The following PPP3CA variants were observed in gnomAD, a reference collection of about 807,000 sequenced individuals.
PPP3CA encodes CAM-PRP catalytic subunit.
A neutral mutation model predicts 66.5 loss-of-function variants in PPP3CA; 14 were observed. The ratio of observed to expected loss-of-function variants is 0.21; its 90% CI spans 0.14 to 0.33. The LOEUF is 0.33. Ranked by LOEUF, PPP3CA falls within the 10% of genes least tolerant of loss-of-function variation. The pLI, the probability that PPP3CA is intolerant of heterozygous loss-of-function variation, is 1.00. For missense variants in PPP3CA, 317 were observed against 639.5 expected (o/e 0.50, Z 5.44); for synonymous variants, 232 against 226.2 (o/e 1.03, Z -0.23).
chr4:101,343,814 T>A (rs1271141343), intron 1 of PPP3CA, among the ~76,000 whole-genome samples: 2 of 152,194 alleles, frequency 1.3e-5, no homozygotes, highest in African/African-American at 4.8e-5. Context: ...AGACTCAACC[T>A]ACGTCTCTAA....
chr4:101,332,698 T>C (rs543378080), intron 1 of PPP3CA, among the ~76,000 whole-genome samples: 1 of 152,260 alleles, frequency 6.6e-6, no homozygotes, highest in East Asian at 1.9e-4. Flanking sequence ...CTAGACATTT[T>C]ACATAATATT....
chr4:101,119,844 C>T (rs1172154233), intron 2 of PPP3CA, among the ~76,000 whole-genome samples: 2 of 151,990 alleles, frequency 1.3e-5, no homozygotes, highest in African/African-American at 4.8e-5. Flanking sequence ...CTAGTAAGTG[C>T]TATTCTTATA....
intron 1 of PPP3CA, among the ~76,000 whole-genome samples, chr4:101,238,703 G>A (rs1053232617): frequency 2.6e-5 from 4 of 151,822 alleles, no homozygotes; most frequent in African/African-American, 9.7e-5. Context: ...TTTATCTCAG[G>A]CCACAAGCTA....
At chr4:101,030,990 C>T (rs896038308) in intron 12 of PPP3CA, among the ~76,000 whole-genome samples, 2 of 150,966 alleles carry the variant, frequency 1.3e-5, no homozygotes, top group Non-Finnish European at 1.5e-5. Flanking sequence ...TAAAATAATT[C>T]CTAGCTGTAA....
chr4:101,336,811 T>G (rs1729648239), intron 1 of PPP3CA, among the ~76,000 whole-genome samples: 1 of 152,198 alleles, frequency 6.6e-6, no homozygotes, highest in South Asian at 2.1e-4. Context: ...GATGTGTACA[T>G]GCAGGGGCGG....
At chr4:101,063,189 C>A in intron 9 of PPP3CA, 43 bp downstream of exon 9, 1 of 1,592,810 alleles carries the variant, frequency 6.3e-7, no homozygotes, top group South Asian at 1.1e-5. Flanking sequence ...TCCTTCCTTC[C>A]TAAACTATTT....
chr4:101,139,347 C>CAA (rs56658441), intron 2 of PPP3CA, among the ~76,000 whole-genome samples: 10 of 96,714 alleles, frequency 1.0e-4, no homozygotes, highest in Admixed American at 2.1e-4. Context: ...GACTCCGTCT[C>CAA]AAAAAAAAAA....
intron 10 of PPP3CA, among the ~76,000 whole-genome samples, chr4:101,048,499 T>C: frequency 8.0e-6 from 1 of 125,430 alleles, no homozygotes; most frequent in Non-Finnish European, 1.6e-5. Flanking sequence ...GATTGTTTGC[T>C]TTCTCTCACC....
intron 1 of PPP3CA, among the ~76,000 whole-genome samples, chr4:101,226,938 T>G (rs562178323): frequency 6.6e-6 from 1 of 151,602 alleles, no homozygotes; most frequent in Non-Finnish European, 1.5e-5. Flanking sequence ...GGATAATTAT[T>G]TTTTTATATG....
intron 10 of PPP3CA, among the ~76,000 whole-genome samples, chr4:101,056,871 G>A (rs529494535): frequency 5.3e-5 from 8 of 149,656 alleles, no homozygotes; most frequent in African/African-American, 1.7e-4. Context: ...TTCAATATAC[G>A]TTGTCAATAA....
chr4:101,260,575 A>C (rs1297473979), intron 1 of PPP3CA, among the ~76,000 whole-genome samples: 1 of 152,174 alleles, frequency 6.6e-6, no homozygotes, highest in Non-Finnish European at 1.5e-5. Context: ...TCATCAAAAA[A>C]TGCAAACTCT....
intron 1 of PPP3CA, among the ~76,000 whole-genome samples, chr4:101,234,014 A>C (rs1726047020): frequency 6.6e-6 from 1 of 151,592 alleles, no homozygotes; most frequent in Non-Finnish European, 1.5e-5. Context: ...TTCTGTTCCC[A>C]CTTCAGTTTG....
intron 1 of PPP3CA, among the ~76,000 whole-genome samples, chr4:101,260,148 G>A (rs570332678): frequency 2.6e-5 from 4 of 152,130 alleles, no homozygotes; most frequent in African/African-American, 7.2e-5. Flanking sequence ...GGGGCAAATC[G>A]TATCAACGAC....
At chr4:101,256,074 A>AG (rs2110250031) in intron 1 of PPP3CA, among the ~76,000 whole-genome samples, 2 of 152,084 alleles carry the variant, frequency 1.3e-5, no homozygotes, top group East Asian at 3.9e-4. Context: ...GCCCCTGAAC[A>AG]GGGGTGCTGA....
At chr4:101,258,247 A>G (rs1359433888) in intron 1 of PPP3CA, among the ~76,000 whole-genome samples, 2 of 152,166 alleles carry the variant, frequency 1.3e-5, no homozygotes, top group East Asian at 3.9e-4. Flanking sequence ...TGGACATTGT[A>G]GAGGATTCTT....
chr4:101,043,730 C>G (rs1209912809), intron 10 of PPP3CA, among the ~76,000 whole-genome samples: 2 of 152,040 alleles, frequency 1.3e-5, no homozygotes, highest in Non-Finnish European at 2.9e-5. Flanking sequence ...AAAAAATTAG[C>G]TGGGTGTGGT....
chr4:101,226,464 TGATAC>T lies in PPP3CA; in HGVS notation c.59-30353_59-30349del, dbSNP rs1482986124. On this transcript the variant is annotated intron_variant, in intron 1 of 13. Coordinates refer to ENST00000394854, the MANE Select transcript of PPP3CA (RefSeq NM_000944.5). Reference sequence around the variant, plus strand: ...GTCTAAGTCAGAGGCTGCAGACTACTGATACATAAAAAAGTTTTGCTACGTGAAGG... The same window carrying T: ...GTCTAAGTCAGAGGCTGCAGACTACTATAAAAAAGTTTTGCTACGTGAAGG... 2.0e-5 allele frequency among the ~76,000 whole-genome samples: 3 copies of T among 151,758 alleles called. No homozygotes were observed. The East Asian group carries it at 5.8e-4, about 29-fold the overall frequency.
At chr4:101,139,629 A>G (rs1328758696) in intron 2 of PPP3CA, among the ~76,000 whole-genome samples, 1 of 150,904 alleles carries the variant, frequency 6.6e-6, no homozygotes, top group Non-Finnish European at 1.5e-5. Flanking sequence ...ACATGAACAG[A>G]GTCCTGATAA....
chr4:101,125,637 T>C (rs1337679982), intron 2 of PPP3CA, among the ~76,000 whole-genome samples: 2 of 152,130 alleles, frequency 1.3e-5, no homozygotes, highest in Non-Finnish European at 2.9e-5. Flanking sequence ...GTTTGTGCAT[T>C]TTTTAAGAAG....
Sources: allele counts gnomAD v4.1 joint callset (sites outside exome capture counted in the v4.1 genomes callset), GRCh38; gene constraint gnomAD v4.1.1; transcripts MANE v1.5; gene names NCBI Gene and HGNC (gene_info 2026-07-23, HGNC 2026-07-21).